Variants in NCALD observed in about 807,000 individuals in gnomAD.
The protein encoded by NCALD is neurocalcin delta.
In NCALD, 10 loss-of-function variants were observed where a neutral mutation model predicts 18.6. The ratio of observed to expected loss-of-function variants is 0.54; its 90% CI spans 0.33 to 0.91. NCALD has a LOEUF of 0.91. Among genes scored for constraint, NCALD ranks in the 40% least tolerant of loss-of-function variants. NCALD has a pLI of 0.03. For missense variants in NCALD, 184 were observed against 247.6 expected (o/e 0.74, Z 1.72); for synonymous variants, 88 against 87.4 (o/e 1.01, Z -0.04).
At chr8:101,770,005 C>G (rs1255255870) in intron 1 of NCALD, among the ~76,000 whole-genome samples, 2 of 152,126 alleles carry the variant, frequency 1.3e-5, no homozygotes, top group African/African-American at 4.8e-5. Context: ...ATTGATGAAG[C>G]TTTTGTTGTT....
intron 3 of NCALD, among the ~76,000 whole-genome samples, chr8:101,904,654 C>A (rs1242442404): frequency 6.6e-6 from 1 of 152,148 alleles, no homozygotes; most frequent in East Asian, 1.9e-4. Flanking sequence ...CTTTACAATT[C>A]TATCTCTCTC....
At chr8:102,012,781 A>T (rs1447689287) in intron 2 of NCALD, among the ~76,000 whole-genome samples, 1 of 152,186 alleles carries the variant, frequency 6.6e-6, no homozygotes, top group Non-Finnish European at 1.5e-5. Context: ...ATCTATAAGC[A>T]GTTCATGCCC....
At chr8:101,807,174 T>C (rs960630985) in intron 4 of NCALD, among the ~76,000 whole-genome samples, 9 of 152,164 alleles carry the variant, frequency 5.9e-5, no homozygotes, top group Non-Finnish European at 7.4e-5. Flanking sequence ...TTCTTCATGC[T>C]TAAAGCAAGT....
At chr8:101,880,705 A>C (rs1816459126) in intron 4 of NCALD, among the ~76,000 whole-genome samples, 1 of 152,182 alleles carries the variant, frequency 6.6e-6, no homozygotes, top group Admixed American at 6.5e-5. Context: ...AAGAAAGTTT[A>C]ATTCCAACTA....
chr8:102,113,722 A>G (rs1055768116), intron 1 of NCALD, among the ~76,000 whole-genome samples: 2 of 152,220 alleles, frequency 1.3e-5, no homozygotes, highest in African/African-American at 4.8e-5. Flanking sequence ...AAATGTCCCA[A>G]TGTGAACAAT....
chr8:101,935,342 A>G (rs553743867), intron 2 of NCALD, among the ~76,000 whole-genome samples: 8 of 152,332 alleles, frequency 5.3e-5, no homozygotes, highest in African/African-American at 1.2e-4. Context: ...TTACATCATA[A>G]GGAAATTTGA....
chr8:101,930,793 T>G (rs1359219681), intron 2 of NCALD, among the ~76,000 whole-genome samples: 3 of 152,130 alleles, frequency 2.0e-5, no homozygotes, highest in Admixed American at 1.3e-4. Context: ...AACCAATCCT[T>G]TGCCAGCATG....
intron 4 of NCALD, among the ~76,000 whole-genome samples, chr8:101,844,996 T>G (rs930070872): frequency 6.6e-6 from 1 of 152,176 alleles, no homozygotes. Context: ...TGTGCTAGTA[T>G]ACCATAGACC....
upstream of NCALD, chr8:102,124,905 C>T (rs1409971618): frequency 6.6e-6 from 1 of 151,990 alleles, no homozygotes; most frequent in Non-Finnish European, 1.5e-5. Flanking sequence ...CTAAGGGGCC[C>T]CTCTCCTGCC....
intron 3 of NCALD, among the ~76,000 whole-genome samples, chr8:101,913,779 T>G (rs1162711674): frequency 6.6e-6 from 1 of 152,110 alleles, no homozygotes; most frequent in East Asian, 1.9e-4. Flanking sequence ...ATGGGGCTTC[T>G]CCATGTTGGC....
intron 2 of NCALD, among the ~76,000 whole-genome samples, chr8:101,936,028 G>A (rs1449371285): frequency 6.6e-6 from 1 of 152,020 alleles, no homozygotes; most frequent in Non-Finnish European, 1.5e-5. Context: ...ATGCAGGGAG[G>A]TGAATAGATT....
chr8:102,040,384 G>T (rs1241123903), intron 1 of NCALD, among the ~76,000 whole-genome samples: 1 of 151,498 alleles, frequency 6.6e-6, no homozygotes, highest in African/African-American at 2.4e-5. Context: ...TGAGGCAGAA[G>T]AATCACTTGA....
chr8:102,042,650 C>T (rs1002027312), intron 1 of NCALD, among the ~76,000 whole-genome samples: 5 of 151,828 alleles, frequency 3.3e-5, no homozygotes, highest in African/African-American at 9.7e-5. Context: ...ATGAGACCCC[C>T]AACTAATGAA....
chr8:101,977,232 CA>C (rs1463583453), intron 2 of NCALD, among the ~76,000 whole-genome samples: 1 of 149,010 alleles, frequency 6.7e-6, no homozygotes, highest in Admixed American at 6.6e-5. Context: ...TTTTTTTTTA[CA>C]GTGAAAAAAA....
At chr8:102,054,687 T>C (rs1344335055) in intron 1 of NCALD, among the ~76,000 whole-genome samples, 1 of 116,554 alleles carries the variant, frequency 8.6e-6, no homozygotes, top group Middle Eastern at 4.0e-3. Context: ...GATAGATAGA[T>C]AGATAGATAG....
At chr8:102,020,825 T>C (rs1158991920) in intron 1 of NCALD, among the ~76,000 whole-genome samples, 1 of 152,156 alleles carries the variant, frequency 6.6e-6, no homozygotes, top group Non-Finnish European at 1.5e-5. Flanking sequence ...GCCTCATCTC[T>C]CATCTCTGTA....
At chr8:101,800,877 AGGAGAGGGGAGG>A (rs1333907219) in intron 4 of NCALD, among the ~76,000 whole-genome samples, 2 of 76,622 alleles carry the variant, frequency 2.6e-5, no homozygotes, top group South Asian at 7.2e-4. Context: ...AGGAGGAAAA[AGGAGAGGGGAGG>A]GGAGAGGGGA....
intron 1 of NCALD, among the ~76,000 whole-genome samples, chr8:102,076,519 A>G: frequency 6.8e-6 from 1 of 147,534 alleles, no homozygotes; most frequent in East Asian, 1.9e-4. Context: ...AAACTCAATC[A>G]TGGGAGTGAA....
At chr8:101,905,689 G>A (rs980364568) in intron 3 of NCALD, among the ~76,000 whole-genome samples, 8 of 152,106 alleles carry the variant, frequency 5.3e-5, no homozygotes, top group African/African-American at 1.9e-4. Flanking sequence ...CTCGATAAAG[G>A]AAGCTTCTGA....
Sources: gnomAD v4.1 joint callset for allele counts (sites outside exome capture counted in the v4.1 genomes callset) on GRCh38, gnomAD v4.1.1 for gene constraint, MANE v1.5 for transcripts, NCBI Gene and HGNC (gene_info 2026-07-23, HGNC 2026-07-21) for gene names.